Variants in GABRR1 observed in about 807,000 individuals in gnomAD.
The protein encoded by GABRR1 is gamma-aminobutyric acid receptor subunit rho-1.
In GABRR1, 59 loss-of-function variants were observed where a neutral mutation model predicts 55.5. The ratio of observed to expected loss-of-function variants is 1.06; its 90% CI spans 0.86 to 1.32. The LOEUF is 1.32. Among genes scored for constraint, GABRR1 ranks in the 40% most tolerant of loss-of-function variants. The probability of loss-of-function intolerance (pLI) is 0.00; values close to 1 mark genes in which losing one functional copy is unlikely to be tolerated. For synonymous variants in GABRR1, 213 were observed against 226.0 expected, an observed-to-expected ratio of 0.94 and a Z score of 0.51; for missense variants, 602 against 619.1, an observed-to-expected ratio of 0.97 and a Z score of 0.29.
intron 1 of GABRR1, among the ~76,000 whole-genome samples, chr6:89,224,425 A>G (rs1773164735): frequency 6.6e-6 from 1 of 152,048 alleles, no homozygotes; most frequent in African/African-American, 2.4e-5. Context: ...TTCCCTGATC[A>G]TTTGTGATGT....
At chr6:89,184,811 A>C (rs1384886328) in intron 7 of GABRR1, among the ~76,000 whole-genome samples, 3 of 152,080 alleles carry the variant, frequency 2.0e-5, no homozygotes, top group African/African-American at 7.2e-5. Context: ...GTAATATCAA[A>C]AAAATCACTT....
chr6:89,208,915 T>C lies in GABRR1; in HGVS notation c.123-5430A>G, dbSNP rs564112109. On this transcript the variant is annotated intron_variant, in intron 1 of 9. Transcript: ENST00000454853. Reference sequence around the variant, plus strand: ...AAAGGGCTGCCAGGGCTGTCTAGGATGGGCGTACCAGCCCAGCTTTGACCT... The same window carrying C: ...AAAGGGCTGCCAGGGCTGTCTAGGACGGGCGTACCAGCCCAGCTTTGACCT... Among the ~76,000 whole-genome samples the C allele has an allele frequency of 1.7e-3, 258 of 152,212 alleles. 1 individual carries two copies. Among genetic ancestry groups the C allele is most frequent in the Non-Finnish European group, 2.9e-3 (200 of 68,036 alleles).
chr6:89,219,453 CT>C (rs1220158599), upstream of GABRR1, among the ~76,000 whole-genome samples: 1 of 152,122 alleles, frequency 6.6e-6, no homozygotes, highest in Admixed American at 6.5e-5. Context: ...AGGAGCCCAG[CT>C]TTTTTCTGTG....
intron 3 of GABRR1, among the ~76,000 whole-genome samples, chr6:89,200,240 CCTTT>C (rs1307423432): frequency 7.8e-5 from 10 of 127,930 alleles, no homozygotes; most frequent in African/African-American, 2.9e-4. Flanking sequence ...TTTCTTTTTC[CCTTT>C]TTTTTTTTTT....
Position 89,217,217 on chromosome 6 carries a change from T to C in GABRR1, c.106A>G (p.Met36Val). 4.3e-6 allele frequency: 7 copies of C among 1,614,080 alleles called. No individual in the cohort carries two copies. The highest frequency in any genetic ancestry group is 5.1e-6 in the Non-Finnish European group (6 of 1,179,988). ...MHWPGREVHE[M>V]SKKGRPQRQR... ...TCCACTCACCTGCCTTTCTTAGACA[T>C]CTCGTGGACTTCTCTTCCGGGCCAG... The change falls in exon 1 of 10, where the codon ATG becomes GTG. Residue 36 changes from methionine to valine, a missense_variant. Coordinates refer to ENST00000454853, the MANE Select transcript of GABRR1 (RefSeq NM_002042.5).
chr6:89,209,118 T>C (rs765493406), intron 1 of GABRR1, among the ~76,000 whole-genome samples: 2 of 151,876 alleles, frequency 1.3e-5, no homozygotes, highest in Non-Finnish European at 2.9e-5. Context: ...GCTTCTTAGA[T>C]AAAATCTCAG....
In GABRR1 at chr6:89,182,057, C is replaced by T; in HGVS notation, c.797G>A (p.Gly266Asp). Residue 266 changes from glycine (G) to aspartate (D), a missense_variant and splice_region_variant, in exon 8 of 10, where the codon GGC (glycine) becomes GAC (aspartate). Transcript: ENST00000454853. Reference sequence around the variant, plus strand: ...ATTAATGTAGAGACGGTTGTACCAGCCTGGGGGACACAGGAATAAAAGACA... The same window carrying T: ...ATTAATGTAGAGACGGTTGTACCAGTCTGGGGGACACAGGAATAAAAGACA... The part of the protein sequence containing the change: ...TTKLAFYSST[G>D]WYNRLYINFT... 6.2e-7 allele frequency: 1 copy of T among 1,613,828 alleles called. No homozygotes were observed. Among genetic ancestry groups the T allele is most frequent in the South Asian group, 1.1e-5 (1 of 91,046 alleles).
chr6:89,178,425 T>C lies in GABRR1; in HGVS notation c.*345A>G. 3.7e-6 allele frequency: 1 copy of C among 270,378 alleles called. No individual in the cohort carries two copies. The highest frequency in any genetic ancestry group is 5.1e-5 in the South Asian group (1 of 19,618). The allele number at this position is 270,378 out of a possible 1,614,324, so 16.7% of individuals were successfully genotyped here. A position where few individuals can be genotyped will look rare whatever the true frequency, so the allele number is the denominator to read the frequency against. On this transcript the variant is annotated 3_prime_UTR_variant, in exon 10 of 10. Coordinates refer to ENST00000454853, the MANE Select transcript of GABRR1 (RefSeq NM_002042.5). The stretch of plus-strand genomic sequence containing the variant: ...ATGACACTTGAGGAAAATAAATTAT[T>C]CATGTGAATAGCATCAAGGGTCTAA...
intron 6 of GABRR1, among the ~76,000 whole-genome samples, chr6:89,187,638 C>G (rs1182618353): frequency 6.6e-6 from 1 of 152,152 alleles, no homozygotes; most frequent in Non-Finnish European, 1.5e-5. Flanking sequence ...TCCCCTCTCC[C>G]CAGCCTCTGG....
rs1341915435 is a variant in GABRR1, at chr6:89,182,030, AAATT to A, written c.820_823del (p.Asn274SerfsTer20). 2 of 1,614,066 alleles carry A rather than the reference AAATT, an allele frequency of 1.2e-6. No individual in the cohort carries two copies. Among genetic ancestry groups the A allele is most frequent in the African/African-American group, 2.7e-5 (2 of 74,928 alleles). ...GAAGAAGATGTGGCGACGCAACGTG[AAATT>A]AATGTAGAGACGGTTGTACCAGCCT... is the stretch of plus-strand genomic sequence containing the variant. On this transcript the variant is annotated frameshift_variant, in exon 8 of 10. Transcript: ENST00000454853. LOFTEE classifies it high-confidence loss of function.
chr6:89,223,259 C>T (rs1773139986), intron 1 of GABRR1, among the ~76,000 whole-genome samples: 1 of 152,158 alleles, frequency 6.6e-6, no homozygotes, highest in Non-Finnish European at 1.5e-5. Flanking sequence ...CCTTTGCATC[C>T]TCATAGCTTA....
At chr6:89,213,666 C>T (rs1772895719) in intron 1 of GABRR1, among the ~76,000 whole-genome samples, 1 of 152,164 alleles carries the variant, frequency 6.6e-6, no homozygotes, top group Admixed American at 6.5e-5. Context: ...ATTATGCAGC[C>T]AATCAAATGA....
In GABRR1 at chr6:89,196,817, AAGAAG is replaced by A. The variant is rs1391849204; in HGVS notation, c.572+1198_572+1202del. 3.3e-4 allele frequency among the ~76,000 whole-genome samples: 34 copies of A among 102,694 alleles called. No homozygotes were observed. The Admixed American group carries it at 3.3e-3, about 10-fold the overall frequency. The allele number at this position is 102,694 out of a possible 152,430, so 67.4% of individuals were successfully genotyped here. A position where few individuals can be genotyped will look rare whatever the true frequency, so the allele number is the denominator to read the frequency against. On this transcript the variant is annotated intron_variant, in intron 5 of 9. Coordinates refer to ENST00000454853, the MANE Select transcript of GABRR1 (RefSeq NM_002042.5). ...AGGAAAGAAAAGAAGAAAGAAAGAA[AAGAAG>A]GAAAGAAAGAAAGAAAGAAAGAAAG...
chr6:89,180,782 A>G lies in GABRR1; in HGVS notation c.950-294T>C, dbSNP rs1375387012. Among the ~76,000 whole-genome samples, 35 of 152,202 alleles carry G rather than the reference A, an allele frequency of 2.3e-4. 1 individual carries two copies. Among genetic ancestry groups the G allele is most frequent in the Admixed American group, 2.3e-3 (35 of 15,280 alleles). On this transcript the variant is annotated intron_variant, in intron 8 of 9. Transcript: ENST00000454853. ...GAACCCTAGACATTTTGGCATTAAAACATTTATTTCAATTGATTTTTACAA... is the reference window on the plus strand; with the variant it reads ...GAACCCTAGACATTTTGGCATTAAAGCATTTATTTCAATTGATTTTTACAA...
chr6:89,201,294 C>T (rs1772464381), intron 2 of GABRR1, 29 bp from the exon 3 acceptor site: 3 of 1,441,496 alleles, frequency 2.1e-6, no homozygotes, highest in African/African-American at 1.4e-5. Flanking sequence ...CCAGGCTGAT[C>T]ATATATTCCA....
At chr6:89,186,965 C>CTT (rs1427236566) in intron 6 of GABRR1, among the ~76,000 whole-genome samples, 1 of 152,236 alleles carries the variant, frequency 6.6e-6, no homozygotes, top group Non-Finnish European at 1.5e-5. Context: ...TGATCCACTG[C>CTT]TACAAGCCCA....
chr6:89,190,270 G>T (rs758656915), intron 5 of GABRR1, 23 bp from the exon 6 acceptor site: 15 of 1,564,142 alleles, frequency 9.6e-6, no homozygotes, highest in Non-Finnish European at 1.2e-5. Context: ...AGACAAAATT[G>T]ATTTATTCAG....
intron 1 of GABRR1, among the ~76,000 whole-genome samples, chr6:89,204,941 G>A (rs910484242): frequency 6.6e-5 from 10 of 152,022 alleles, no homozygotes; most frequent in Non-Finnish European, 8.8e-5. Context: ...ATATATCATG[G>A]AATTTTTTTG....
chr6:89,203,569 G>A, intron 1 of GABRR1, 84 bp from the exon 2 acceptor site: 1 of 928,258 alleles, frequency 1.1e-6, no homozygotes, highest in Admixed American at 1.8e-5. Context: ...CTCCAGATTT[G>A]CTTCAAATCT....
Sources: gnomAD v4.1 joint callset for allele counts (sites outside exome capture counted in the v4.1 genomes callset) on GRCh38, gnomAD v4.1.1 for gene constraint, MANE v1.5 for transcripts, NCBI Gene and HGNC (gene_info 2026-07-23, HGNC 2026-07-21) for gene names.